Variants in ST3GAL3 observed in about 807,000 individuals in gnomAD.
ST3GAL3 encodes ST3 beta-galactoside alpha-2,3-sialyltransferase 3.
In ST3GAL3, 21 loss-of-function variants were observed where a neutral mutation model predicts 50.1. The ratio of observed to expected loss-of-function variants is 0.42; its 90% CI spans 0.30 to 0.60. The LOEUF (loss-of-function observed/expected upper bound fraction) is 0.60, where lower values mean the gene tolerates loss of function less well. ST3GAL3 is among the 20% of genes least tolerant of loss of function. ST3GAL3 has a pLI of 0.19. For missense variants in ST3GAL3, 353 were observed against 489.4 expected (o/e 0.72, Z 2.63); for synonymous variants, 183 against 190.0 (o/e 0.96, Z 0.30).
rs5773815 is a variant in ST3GAL3, at chr1:43,857,469, C to CTCCTTCCTTCCTTCCT, written c.302+19174_302+19189dup. Among the ~76,000 whole-genome samples the CTCCTTCCTTCCTTCCT allele has an allele frequency of 3.5e-3, 449 of 129,430 alleles. 10 individuals carry two copies. Among genetic ancestry groups the CTCCTTCCTTCCTTCCT allele is most frequent in the African/African-American group, 0.011 (415 of 36,800 alleles). The allele number at this position is 129,430 out of a possible 152,430, so 84.9% of individuals were successfully genotyped here. On this transcript the variant is annotated intron_variant, in intron 5 of 11. Transcript: ENST00000347631. ...GCTTATATTTTATATGTGTATTTCC[C>CTCCTTCCTTCCTTCCT]TCCTTCCTTCCTTCCTTCCTTCCTT...
intron 2 of ST3GAL3, among the ~76,000 whole-genome samples, chr1:43,751,482 T>G (rs1686047556): frequency 2.0e-5 from 3 of 152,180 alleles, no homozygotes. Flanking sequence ...AGTAAATAAA[T>G]AATGGCATGT....
At chr1:43,714,313 C>T (rs1288867562) in intron 1 of ST3GAL3, among the ~76,000 whole-genome samples, 2 of 139,460 alleles carry the variant, frequency 1.4e-5, no homozygotes, top group African/African-American at 5.4e-5. Flanking sequence ...TGTTGCTGGG[C>T]GCAGTGGCTC....
Position 43,917,339 on chromosome 1 carries a change from G to A in ST3GAL3, c.745-3065G>A, listed in dbSNP as rs1000908972. ...TATGTGCTTTACCCATTTTTATGAG[G>A]CCTCACTGATTCTTCATGAGTTTTT... On this transcript the variant is annotated intron_variant, in intron 9 of 11. Transcript: ENST00000347631. 2.1e-5 allele frequency among the ~76,000 whole-genome samples: 3 copies of A among 145,988 alleles called. No homozygotes were observed. The Admixed American group carries it at 2.2e-4, about 11-fold the overall frequency.
At chr1:43,914,434 T>C (rs1366503044) in intron 9 of ST3GAL3, 2 of 152,092 alleles carry the variant, frequency 1.3e-5, no homozygotes, top group African/African-American at 4.8e-5. Flanking sequence ...CCCCTCAGAC[T>C]TCCAGAGGCG....
chr1:43,854,804 C>A (rs2906467), intron 5 of ST3GAL3, among the ~76,000 whole-genome samples: 137,701 of 152,260 alleles, frequency 0.9, 62,474 homozygotes, highest in African/African-American at 0.96. Context: ...CCAAACAAGA[C>A]ATCTGGGAGT....
chr1:43,898,992 G>C, intron 7 of ST3GAL3, 176 bp from the exon 8 acceptor site: 1 of 763,150 alleles, frequency 1.3e-6, no homozygotes, highest in Non-Finnish European at 2.1e-6. Context: ...TCAGGGCCCA[G>C]CTACCCATTG....
At chr1:43,763,239 A>G (rs1374519046) in intron 2 of ST3GAL3, among the ~76,000 whole-genome samples, 1 of 152,222 alleles carries the variant, frequency 6.6e-6, no homozygotes, top group African/African-American at 2.4e-5. Context: ...ATACACTAAT[A>G]TGAAAAGATT....
intron 9 of ST3GAL3, chr1:43,912,701 A>T (rs1050674395): frequency 2.0e-5 from 3 of 152,238 alleles, no homozygotes; most frequent in African/African-American, 7.2e-5. Flanking sequence ...TGAGCACACC[A>T]GGAAACATTC....
chr1:43,854,612 A>G (rs1351670426), intron 5 of ST3GAL3, among the ~76,000 whole-genome samples: 1 of 152,112 alleles, frequency 6.6e-6, no homozygotes, highest in Admixed American at 6.6e-5. Context: ...ATGACTCTCA[A>G]TCTTTTTGCA....
chr1:43,741,904 C>A (rs1341651252), intron 2 of ST3GAL3, among the ~76,000 whole-genome samples: 1 of 152,142 alleles, frequency 6.6e-6, no homozygotes, highest in Non-Finnish European at 1.5e-5. Context: ...TGATGATTTC[C>A]CCTGAGCTGA....
chr1:43,745,529 C>T (rs1683252713), intron 2 of ST3GAL3, among the ~76,000 whole-genome samples: 1 of 152,228 alleles, frequency 6.6e-6, no homozygotes, highest in African/African-American at 2.4e-5. Context: ...CAGTCATACA[C>T]TGCATAGCAG....
At chr1:43,815,919 A>ATGGG (rs2061179917) in intron 4 of ST3GAL3, among the ~76,000 whole-genome samples, 1 of 151,744 alleles carries the variant, frequency 6.6e-6, no homozygotes, top group Non-Finnish European at 1.5e-5. Flanking sequence ...GGATGGATGG[A>ATGGG]TGGATGGATG....
intron 1 of ST3GAL3, among the ~76,000 whole-genome samples, chr1:43,723,698 G>C (rs1196907959): frequency 1.3e-5 from 2 of 151,986 alleles, no homozygotes; most frequent in Non-Finnish European, 2.9e-5. Context: ...TGCAACCTCT[G>C]CCTCCTGGGT....
chr1:43,904,029 G>A (rs549951351), intron 9 of ST3GAL3, among the ~76,000 whole-genome samples: 3 of 152,270 alleles, frequency 2.0e-5, no homozygotes, highest in Non-Finnish European at 4.4e-5. Context: ...TATCACTGGT[G>A]GTGATTTTGC....
chr1:43,710,650 A>G (rs1664248269), intron 1 of ST3GAL3, among the ~76,000 whole-genome samples: 1 of 152,076 alleles, frequency 6.6e-6, no homozygotes. Context: ...CAATGGAACT[A>G]TTTGCTCTTT....
chr1:43,731,037 T>C (rs893404740), intron 1 of ST3GAL3, among the ~76,000 whole-genome samples: 4 of 149,854 alleles, frequency 2.7e-5, no homozygotes, highest in Non-Finnish European at 4.5e-5. Context: ...CTTAGTCTTA[T>C]TTTTTTTTTC....
At chr1:43,872,711 G>A (rs1393584711) in intron 5 of ST3GAL3, among the ~76,000 whole-genome samples, 2 of 152,162 alleles carry the variant, frequency 1.3e-5, no homozygotes, top group Non-Finnish European at 2.9e-5. Context: ...CCTTCATGGG[G>A]CTCATATTCT....
At chr1:43,770,987 AG>A (rs1694935083) in intron 2 of ST3GAL3, among the ~76,000 whole-genome samples, 1 of 152,196 alleles carries the variant, frequency 6.6e-6, no homozygotes, top group Non-Finnish European at 1.5e-5. Flanking sequence ...TATCTTCCAA[AG>A]TAACAAAGAT....
chr1:43,824,923 C>T (rs182515855), intron 4 of ST3GAL3: 15 of 721,178 alleles, frequency 2.1e-5, no homozygotes, highest in Admixed American at 4.0e-5. Flanking sequence ...AATTGAGAAC[C>T]ACTGCTTTAA....
Sources: allele counts gnomAD v4.1 joint callset (sites outside exome capture counted in the v4.1 genomes callset), GRCh38; gene constraint gnomAD v4.1.1; transcripts MANE v1.5; gene names NCBI Gene and HGNC (gene_info 2026-07-23, HGNC 2026-07-21).